The following FSTL5 variants were observed in gnomAD, a reference collection of about 807,000 sequenced individuals.
FSTL5 encodes follistatin like 5, also known as follistatin-related protein 5.
Under a neutral mutation model 89.1 loss-of-function variants are expected in FSTL5, and 62 were observed. The ratio of observed to expected loss-of-function variants is 0.70; its 90% confidence interval spans 0.57 to 0.86. The LOEUF is 0.86. FSTL5 is among the 40% of genes least tolerant of loss of function. The pLI is 0.00. For synonymous variants in FSTL5, 383 were observed against 346.2 expected, an observed-to-expected ratio of 1.11 and a Z score of -1.18; for missense variants, 1,057 against 1,001.6, an observed-to-expected ratio of 1.06 and a Z score of -0.75.
At chr4:162,056,421 G>A (rs1384428706) in intron 2 of FSTL5, among the ~76,000 whole-genome samples, 2 of 151,206 alleles carry the variant, frequency 1.3e-5, no homozygotes, top group Non-Finnish European at 2.9e-5. Context: ...ATCCAGTTAT[G>A]AGGGTGTGTC....
chr4:161,508,433 T>C (rs931452865), intron 11 of FSTL5, among the ~76,000 whole-genome samples: 1 of 152,194 alleles, frequency 6.6e-6, no homozygotes, highest in Non-Finnish European at 1.5e-5. Context: ...TTAAAGTATC[T>C]GTAAAATGTA....
At chr4:161,919,818 A>G (rs1733942209) in intron 4 of FSTL5, among the ~76,000 whole-genome samples, 1 of 76,478 alleles carries the variant, frequency 1.3e-5, no homozygotes, top group Non-Finnish European at 3.1e-5. Context: ...TTACAAATTC[A>G]GTACTTTTCT....
intron 6 of FSTL5, among the ~76,000 whole-genome samples, chr4:161,757,504 A>G (rs1303085340): frequency 6.6e-6 from 1 of 152,190 alleles, no homozygotes; most frequent in Non-Finnish European, 1.5e-5. Flanking sequence ...GGAAAAACAC[A>G]TAGACTTCAT....
In FSTL5 at chr4:161,455,046, T is replaced by C; in HGVS notation, c.1799A>G (p.Asp600Gly). The change falls in exon 15 of 16, where the codon GAT (aspartate) becomes GGT (glycine). Residue 600 changes from aspartate (D) to glycine (G), a missense_variant. Physicochemically the swap from Asp to Gly is moderately conservative, Grantham distance 94 (BLOSUM62 -1). Around this residue, in one of 3 missense-constraint regions of FSTL5, gnomAD observed 980 missense variants for 903.2 expected, o/e 1.08. Coordinates refer to ENST00000306100, the MANE Select transcript of FSTL5 (RefSeq NM_020116.5). ...GAGTGTTGTGGTGGGAATGAAAAAA[T>C]CATCCACTCTGTCAAATTGCTTTCC... ...PVGKQFDRVDDFFIPTTTLII... is the reference protein window; with the variant it reads ...PVGKQFDRVDGFFIPTTTLII... 6.2e-7 allele frequency: 1 copy of C among 1,613,622 alleles called. No individual in the cohort carries two copies. Among genetic ancestry groups the C allele is most frequent in the Non-Finnish European group, 8.5e-7 (1 of 1,179,774 alleles).
chr4:161,816,915 G>A (rs985241908), intron 4 of FSTL5, among the ~76,000 whole-genome samples: 6 of 152,138 alleles, frequency 3.9e-5, no homozygotes, highest in Non-Finnish European at 8.8e-5. Context: ...ATTAATCTGT[G>A]TCTATCTCCC....
intron 3 of FSTL5, among the ~76,000 whole-genome samples, chr4:161,980,870 G>A (rs543549672): frequency 1.4e-5 from 2 of 144,414 alleles, no homozygotes; most frequent in South Asian, 2.3e-4. Flanking sequence ...TCCACCTTCC[G>A]GGTTCAAGCA....
chr4:161,516,021 T>C lies in FSTL5; in HGVS notation c.1313-5597A>G, dbSNP rs10033170. The stretch of plus-strand genomic sequence containing the variant: ...CAGGTGAACTATTATTGAATGCATG[T>C]GCGTGTGTGCATGACCTTGTGAACA... On this transcript the variant is annotated intron_variant, in intron 10 of 15. Coordinates refer to ENST00000306100, the MANE Select transcript of FSTL5 (RefSeq NM_020116.5). Among the ~76,000 whole-genome samples, 871 of 151,430 alleles carry C rather than the reference T, an allele frequency of 5.8e-3. 3 individuals are homozygous for C. Among genetic ancestry groups the C allele is most frequent in the African/African-American group, 0.02 (828 of 41,390 alleles).
At chr4:161,722,828 G>A (rs1739261688) in intron 6 of FSTL5, among the ~76,000 whole-genome samples, 1 of 152,088 alleles carries the variant, frequency 6.6e-6, no homozygotes, top group Admixed American at 6.6e-5. Context: ...GTTCATGGAG[G>A]CATGATAATA....
chr4:162,025,579 A>G (rs1302814657), intron 3 of FSTL5, among the ~76,000 whole-genome samples: 1 of 152,042 alleles, frequency 6.6e-6, no homozygotes, highest in Non-Finnish European at 1.5e-5. Flanking sequence ...CACTCATTTC[A>G]AGTGTCCTGT....
At chr4:162,097,171 T>C (rs1730795924) in intron 2 of FSTL5, among the ~76,000 whole-genome samples, 1 of 151,884 alleles carries the variant, frequency 6.6e-6, no homozygotes, top group African/African-American at 2.4e-5. Flanking sequence ...GTTATAGGCA[T>C]AATATATTAG....
intron 1 of FSTL5, among the ~76,000 whole-genome samples, chr4:162,150,148 A>T (rs1733170173): frequency 1.3e-5 from 2 of 151,980 alleles, no homozygotes; most frequent in Admixed American, 1.3e-4. Context: ...GACATACTTG[A>T]GAAGGCCAAG....
chr4:161,679,419 G>A (rs1335223856), intron 6 of FSTL5, among the ~76,000 whole-genome samples: 1 of 151,060 alleles, frequency 6.6e-6, no homozygotes, highest in African/African-American at 2.4e-5. Flanking sequence ...TCTGAAGCAG[G>A]AAAAAAAAGT....
At chr4:161,725,224 T>C (rs13118029) in intron 6 of FSTL5, among the ~76,000 whole-genome samples, 1 of 152,010 alleles carries the variant, frequency 6.6e-6, no homozygotes, top group South Asian at 2.1e-4. Context: ...TTTACTTAAG[T>C]GGCTTGGAAG....
chr4:161,538,103 A>C, intron 10 of FSTL5, 63 bp downstream of exon 10: 1 of 1,540,576 alleles, frequency 6.5e-7, no homozygotes, highest in Non-Finnish European at 8.9e-7. Context: ...ACTTTTTAAA[A>C]AAAGCTGTAA....
chr4:161,804,706 AAAGATTAATCATGTATT>A (rs1369894634), intron 4 of FSTL5, among the ~76,000 whole-genome samples: 3 of 152,084 alleles, frequency 2.0e-5, no homozygotes, highest in Admixed American at 1.3e-4. Flanking sequence ...CTTGAGATAA[AAAGATTAATCATGTATT>A]CAGTTAAGTA....
intron 3 of FSTL5, among the ~76,000 whole-genome samples, chr4:161,945,673 A>G (rs943469570): frequency 4.6e-5 from 7 of 152,148 alleles, no homozygotes; most frequent in Non-Finnish European, 8.8e-5. Flanking sequence ...AATTGCTTGA[A>G]CCTGGAAGGT....
At chr4:161,795,201 A>G (rs1729598018) in intron 4 of FSTL5, among the ~76,000 whole-genome samples, 1 of 152,156 alleles carries the variant, frequency 6.6e-6, no homozygotes, top group African/African-American at 2.4e-5. Context: ...AAGACATTTT[A>G]AAATTTCATA....
chr4:161,887,614 C>A (rs1732857074), intron 4 of FSTL5, among the ~76,000 whole-genome samples: 1 of 152,010 alleles, frequency 6.6e-6, no homozygotes, highest in Admixed American at 6.6e-5. Context: ...TTCTTAAATT[C>A]ATCTCTCTTC....
intron 15 of FSTL5, among the ~76,000 whole-genome samples, chr4:161,420,522 T>G (rs1281958729): frequency 6.6e-6 from 1 of 152,100 alleles, no homozygotes; most frequent in African/African-American, 2.4e-5. Context: ...TATTATAATA[T>G]TAAGTATTTA....
Sources: gnomAD v4.1 joint callset for allele counts (sites outside exome capture counted in the v4.1 genomes callset) on GRCh38, gnomAD v4.1.1 for gene constraint, gnomAD v4.1.1 regional missense constraint, MANE v1.5 for transcripts, NCBI Gene and HGNC (gene_info 2026-07-23, HGNC 2026-07-21) for gene names.